Variants in KDM4B observed in about 807,000 individuals in gnomAD.
KDM4B encodes lysine demethylase 4B.
In KDM4B, 32 loss-of-function variants were observed where a neutral mutation model predicts 125.2. The observed-to-expected ratio is 0.26, with a 90% CI of 0.19 to 0.34. The LOEUF (loss-of-function observed/expected upper bound fraction) is 0.34, where lower values mean the gene tolerates loss of function less well. KDM4B is among the 10% of genes least tolerant of loss of function. The pLI, the probability that KDM4B is intolerant of heterozygous loss-of-function variation, is 1.00. For synonymous variants in KDM4B, 721 were observed against 677.9 expected, an observed-to-expected ratio of 1.06 and a Z score of -0.99; for missense variants, 1,190 against 1,577.7, an observed-to-expected ratio of 0.75 and a Z score of 4.16.
At position 5,039,757 on chromosome 19, in the gene KDM4B, G is replaced by T. The variant is rs1172526426; in HGVS notation, c.142-79G>T. ...GATCTTGGGGGGTGCTGGTCTCTGG[G>T]GAGCCGGTGGCACAGTCTGCTCTCT... On this transcript the variant is annotated intron_variant, in intron 3 of 22. Coordinates refer to ENST00000159111, the MANE Select transcript of KDM4B (RefSeq NM_015015.3). 4 of 1,477,390 alleles carry T rather than the reference G, an allele frequency of 2.7e-6. No homozygotes were observed. In the African/African-American group the frequency reaches 4.2e-5, roughly 16 times the overall value. 91.5% of individuals were successfully genotyped at this position (1,477,390 alleles called of 1,614,324 possible).
intron 1 of KDM4B, among the ~76,000 whole-genome samples, chr19:4,988,206 A>T (rs2034907216): frequency 6.6e-6 from 1 of 152,218 alleles, no homozygotes; most frequent in South Asian, 2.1e-4. Context: ...GGCCCATGCC[A>T]GTCACAAGCC....
chr19:5,116,822 A>C (rs548202537), intron 10 of KDM4B, among the ~76,000 whole-genome samples: 1 of 152,320 alleles, frequency 6.6e-6, no homozygotes, highest in Admixed American at 6.5e-5. Context: ...ATTTGGCTGC[A>C]ATGGAAGACG....
chr19:5,131,648 C>T, intron 12 of KDM4B, 103 bp downstream of exon 12: 1 of 342,028 alleles, frequency 2.9e-6, no homozygotes, highest in Non-Finnish European at 4.8e-6. Context: ...GGGGAGGGGG[C>T]AGGGAGGAGG....
chr19:5,019,425 CGTTGGTGTGCGGGTGTTGG>C (rs2036007475), intron 2 of KDM4B, among the ~76,000 whole-genome samples: 1 of 81,284 alleles, frequency 1.2e-5, no homozygotes, highest in African/African-American at 5.0e-5. Flanking sequence ...CTGGTGTGGA[CGTTGGTGTGCGGGTGTTGG>C]TGTGCGTGTT....
chr19:5,063,754 A>G (rs1245103877), intron 6 of KDM4B, among the ~76,000 whole-genome samples: 2 of 152,236 alleles, frequency 1.3e-5, no homozygotes, highest in Admixed American at 1.3e-4. Flanking sequence ...TCCATAGCAT[A>G]CATAGAAGGC....
At chr19:5,077,273 G>T (rs2038146691) in intron 7 of KDM4B, 94 bp from the exon 8 acceptor site, 1 of 1,046,130 alleles carries the variant, frequency 9.6e-7, no homozygotes, top group African/African-American at 1.6e-5. Context: ...CGCTCTCCAT[G>T]GGAGGAAAGA....
chr19:5,023,245 C>T (rs111366647), intron 2 of KDM4B, among the ~76,000 whole-genome samples: 1 of 152,162 alleles, frequency 6.6e-6, no homozygotes, highest in Non-Finnish European at 1.5e-5. Flanking sequence ...TGGAGTAGGA[C>T]GAAGCAGAGA....
At chr19:5,066,634 C>T (rs868405048) in intron 6 of KDM4B, among the ~76,000 whole-genome samples, 46 of 152,334 alleles carry the variant, frequency 3.0e-4, no homozygotes, top group African/African-American at 9.4e-4. Context: ...GTGTCCGATG[C>T]CTGGGTTTGT....
chr19:5,065,498 A>T (rs1445601341), intron 6 of KDM4B, among the ~76,000 whole-genome samples: 1 of 152,266 alleles, frequency 6.6e-6, no homozygotes, highest in African/African-American at 2.4e-5. Context: ...GAGCGATAGA[A>T]AATAGCACAT....
intron 1 of KDM4B, among the ~76,000 whole-genome samples, chr19:5,011,404 A>T (rs2035723183): frequency 6.6e-6 from 1 of 152,190 alleles, no homozygotes; most frequent in Admixed American, 6.5e-5. Context: ...GTTCATACTC[A>T]TAGGGTGCCA....
chr19:5,136,578 G>C (rs1048976525), intron 15 of KDM4B, among the ~76,000 whole-genome samples: 1 of 152,204 alleles, frequency 6.6e-6, no homozygotes, highest in East Asian at 1.9e-4. Context: ...AAGGGTTGCC[G>C]AGGGTCCCAG....
chr19:5,007,246 G>A (rs1182692720), intron 1 of KDM4B, among the ~76,000 whole-genome samples: 2 of 152,238 alleles, frequency 1.3e-5, no homozygotes, highest in African/African-American at 4.8e-5. Flanking sequence ...GTTTCTAGAA[G>A]GTCCTGGAAG....
At chr19:4,970,890 C>G (rs1248473872) in intron 1 of KDM4B, among the ~76,000 whole-genome samples, 1 of 152,150 alleles carries the variant, frequency 6.6e-6, no homozygotes, top group African/African-American at 2.4e-5. Context: ...GATTGGACAC[C>G]TGGCAGGTCC....
At chr19:5,084,082 AC>A (rs965376454) in intron 9 of KDM4B, among the ~76,000 whole-genome samples, 5 of 151,934 alleles carry the variant, frequency 3.3e-5, no homozygotes, top group Admixed American at 1.3e-4. Flanking sequence ...CCCTGTCTCT[AC>A]TAAAAACACA....
intron 9 of KDM4B, among the ~76,000 whole-genome samples, chr19:5,090,166 G>A (rs1003469423): frequency 5.3e-5 from 8 of 152,146 alleles, no homozygotes; most frequent in African/African-American, 1.9e-4. Context: ...CGTGTGCAGG[G>A]GAGGGGTCCT....
At chr19:5,061,946 G>A (rs757349822) in intron 6 of KDM4B, among the ~76,000 whole-genome samples, 4 of 152,170 alleles carry the variant, frequency 2.6e-5, no homozygotes, top group Admixed American at 1.3e-4. Flanking sequence ...GGGAGGAGCC[G>A]TGCAGCCCAG....
intron 13 of KDM4B, among the ~76,000 whole-genome samples, chr19:5,132,369 G>A (rs1343816443): frequency 1.3e-5 from 2 of 152,210 alleles, no homozygotes; most frequent in South Asian, 2.1e-4. Context: ...CTTTGAGTGG[G>A]AGGGGAGGAG....
intron 11 of KDM4B, among the ~76,000 whole-genome samples, chr19:5,128,740 C>T (rs1203357610): frequency 1.4e-5 from 2 of 138,882 alleles, no homozygotes; most frequent in Non-Finnish European, 3.1e-5. Context: ...GGGGTGCCTC[C>T]CCTCTGGCAT....
intron 6 of KDM4B, among the ~76,000 whole-genome samples, chr19:5,054,018 A>G (rs1237647781): frequency 6.6e-6 from 1 of 152,264 alleles, no homozygotes; most frequent in Non-Finnish European, 1.5e-5. Flanking sequence ...CTGTGGCCAC[A>G]GCATCAGTGC....
Sources: allele counts gnomAD v4.1 joint callset (sites outside exome capture counted in the v4.1 genomes callset), GRCh38; gene constraint gnomAD v4.1.1; transcripts MANE v1.5; gene names NCBI Gene and HGNC (gene_info 2026-07-23, HGNC 2026-07-21).